ROCK2: variants seen among roughly 807,000 people sequenced by gnomAD.
The protein encoded by ROCK2 is Rho associated coiled-coil containing protein kinase 2, also known as rho-associated protein kinase 2.
Under a neutral mutation model 195.1 loss-of-function variants are expected in ROCK2, and 61 were observed. The ratio of observed to expected loss-of-function variants is 0.31; its 90% CI spans 0.25 to 0.39. ROCK2 has a LOEUF of 0.39. Among genes scored for constraint, ROCK2 ranks in the 10% least tolerant of loss-of-function variants. The pLI is 1.00. For synonymous variants in ROCK2, 504 were observed against 545.5 expected, an observed-to-expected ratio of 0.92 and a Z score of 1.06; for missense variants, 1,109 against 1,637.4, an observed-to-expected ratio of 0.68 and a Z score of 5.57.
chr2:11,201,438 T>A lies in ROCK2; in HGVS notation c.2620-25A>T, dbSNP rs1663847876. 8.5e-7 allele frequency: 1 copy of A among 1,179,770 alleles called. No homozygotes were observed. The highest frequency in any genetic ancestry group is 1.5e-5 in the African/African-American group (1 of 66,534). The allele number at this position is 1,179,770 out of a possible 1,614,324, so 73.1% of individuals were successfully genotyped here. A position where few individuals can be genotyped will look rare whatever the true frequency, so the allele number is the denominator to read the frequency against. On this transcript the variant is annotated intron_variant, in intron 21 of 32. Coordinates refer to ENST00000315872, the MANE Select transcript of ROCK2 (RefSeq NM_004850.5). The surrounding 1 kb of genome is among the most constrained non-coding windows in gnomAD (Gnocchi z 4.6). ...TCTAAATAGCAAAATACAACAGAAATGCGTATCATCATCAGAAATATTACT... is the reference window on the plus strand; with the variant it reads ...TCTAAATAGCAAAATACAACAGAAAAGCGTATCATCATCAGAAATATTACT...
At position 11,215,345 on chromosome 2, in the gene ROCK2, C is replaced by G; in HGVS notation, c.1665G>C (p.Glu555Asp). 1 of 1,605,186 alleles carries G rather than the reference C, an allele frequency of 6.2e-7. No individual in the cohort carries two copies. Among genetic ancestry groups the G allele is most frequent in the Non-Finnish European group, 8.5e-7 (1 of 1,176,320 alleles). ...CTTGTCTCTGGAGTTGATTCACTTTCTCAGTGGATATTTGAGAGTTTTGAT... is the reference window on the plus strand; with the variant it reads ...CTTGTCTCTGGAGTTGATTCACTTTGTCAGTGGATATTTGAGAGTTTTGAT... ...KRNQNSQISTEKVNQLQRQLD... is the reference protein window; with the variant it reads ...KRNQNSQISTDKVNQLQRQLD... The change falls in exon 15 of 33, where the codon GAG becomes GAC. Residue 555 changes from glutamate to aspartate, a missense_variant. This residue lies in a region of ROCK2 where 542 missense variants were observed against 672.0 expected (regional missense o/e 0.81). Coordinates refer to ENST00000315872, the MANE Select transcript of ROCK2 (RefSeq NM_004850.5).
chr2:11,285,390 T>C (rs1468296307), intron 3 of ROCK2, among the ~76,000 whole-genome samples: 5 of 152,104 alleles, frequency 3.3e-5, no homozygotes, highest in Non-Finnish European at 5.9e-5. Context: ...ACATTAGTTA[T>C]AAAGCTTGCC....
Position 11,183,329 on chromosome 2 carries a change from C to A in ROCK2, c.*108G>T. ...TATGTATGAGTGTATGTATCAGTCT[C>A]TCAGGAAAATATAGCTTTTTAATAA... On this transcript the variant is annotated 3_prime_UTR_variant, in exon 33 of 33. Coordinates refer to ENST00000315872, the MANE Select transcript of ROCK2 (RefSeq NM_004850.5). 1.2e-6 allele frequency: 1 copy of A among 843,424 alleles called. No individual in the cohort carries two copies. The highest frequency in any genetic ancestry group is 1.7e-5 in the South Asian group (1 of 60,186). The allele number at this position is 843,424 out of a possible 1,614,324, so 52.2% of individuals were successfully genotyped here. A position where few individuals can be genotyped will look rare whatever the true frequency, so the allele number is the denominator to read the frequency against.
intron 27 of ROCK2, among the ~76,000 whole-genome samples, chr2:11,196,185 C>G (rs980347582): frequency 5.3e-5 from 8 of 152,326 alleles, no homozygotes; most frequent in African/African-American, 1.9e-4. Flanking sequence ...GCCTCTGACT[C>G]TGAATGACGG....
intron 1 of ROCK2, among the ~76,000 whole-genome samples, chr2:11,328,811 G>A (rs9798189): frequency 5.3e-5 from 8 of 150,920 alleles, no homozygotes; most frequent in Non-Finnish European, 8.8e-5. Context: ...GTAAACTATC[G>A]CAAGGACAAA....
At chr2:11,217,241 T>C in intron 11 of ROCK2, 72 bp from the exon 12 acceptor site, 1 of 793,604 alleles carries the variant, frequency 1.3e-6, no homozygotes, top group South Asian at 1.4e-5. Context: ...AAGAAAACAA[T>C]GATAAGCTTA....
chr2:11,213,712 A>G (rs1664328087), intron 17 of ROCK2, among the ~76,000 whole-genome samples: 1 of 151,744 alleles, frequency 6.6e-6, no homozygotes, highest in African/African-American at 2.4e-5. Context: ...CCTTTGCCCT[A>G]CGGACCTATC....
Position 11,215,428 on chromosome 2 carries a change from T to A in ROCK2, c.1598-16A>T. 6.2e-7 allele frequency: 1 copy of A among 1,603,300 alleles called. No homozygotes were observed. Among genetic ancestry groups the A allele is most frequent in the African/African-American group, 1.3e-5 (1 of 74,440 alleles). ...AAGCTGTTAACTATGATAAAAAGCA[T>A]TTCAGTGGCAAGCTTAGCATAACAC... On this transcript the variant is annotated splice_polypyrimidine_tract_variant and intron_variant, in intron 14 of 32. Transcript: ENST00000315872.
At position 11,233,347 on chromosome 2, in the gene ROCK2, G is replaced by A. The variant is rs554227185; in HGVS notation, c.723+2355C>T. Among the ~76,000 whole-genome samples, 5 of 152,252 alleles carry A rather than the reference G, an allele frequency of 3.3e-5. No individual in the cohort carries two copies. In the South Asian group the frequency reaches 1.0e-3, roughly 32 times the overall value. On this transcript the variant is annotated intron_variant, in intron 5 of 32. Coordinates refer to ENST00000315872, the MANE Select transcript of ROCK2 (RefSeq NM_004850.5). ...ATCAACGGAACTGGTAACCCTTAGA[G>A]AACTGAATAGTAAGTGTTAGCAAGG...
At chr2:11,295,370 T>C (rs1275408707) in intron 1 of ROCK2, among the ~76,000 whole-genome samples, 1 of 152,036 alleles carries the variant, frequency 6.6e-6, no homozygotes, top group African/African-American at 2.4e-5. Flanking sequence ...TTTTAAAAAG[T>C]ATTTTCCATA....
chr2:11,292,389 T>C (rs1257246342), intron 1 of ROCK2, among the ~76,000 whole-genome samples: 1 of 152,150 alleles, frequency 6.6e-6, no homozygotes, highest in Non-Finnish European at 1.5e-5. Context: ...GTTAATACTA[T>C]TGTCATACCT....
At chr2:11,190,360 G>GT (rs10589703) in intron 32 of ROCK2, among the ~76,000 whole-genome samples, 8 of 106,824 alleles carry the variant, frequency 7.5e-5, no homozygotes, top group Middle Eastern at 4.8e-3. Context: ...AAGGCCAGAA[G>GT]TTTTTTAAAA....
At chr2:11,342,671 T>C (rs908133742) in intron 1 of ROCK2, among the ~76,000 whole-genome samples, 1 of 152,170 alleles carries the variant, frequency 6.6e-6, no homozygotes, top group Non-Finnish European at 1.5e-5. Context: ...AGCTATGCCA[T>C]CCATGCAAGC....
At chr2:11,308,535 G>C (rs1667934808) in intron 1 of ROCK2, 1 of 1,543,164 alleles carries the variant, frequency 6.5e-7, no homozygotes, top group African/African-American at 1.4e-5. Context: ...CTCACTATCA[G>C]AATTGAGAAA....
At chr2:11,191,760 T>G (rs1467046382) in intron 32 of ROCK2, among the ~76,000 whole-genome samples, 1 of 152,210 alleles carries the variant, frequency 6.6e-6, no homozygotes, top group Non-Finnish European at 1.5e-5. Flanking sequence ...AAAACCATTT[T>G]CTTCTCATCA....
At chr2:11,313,347 A>T (rs757517602) in intron 1 of ROCK2, among the ~76,000 whole-genome samples, 3 of 152,106 alleles carry the variant, frequency 2.0e-5, no homozygotes, top group African/African-American at 4.8e-5. Context: ...ACCAGCAGTG[A>T]ATAAATGGGA....
intron 32 of ROCK2, among the ~76,000 whole-genome samples, chr2:11,183,763 G>A (rs1040411029): frequency 1.3e-5 from 2 of 152,134 alleles, no homozygotes; most frequent in Non-Finnish European, 2.9e-5. Flanking sequence ...GTTTGATTTG[G>A]GGTTTAACTG....
intron 32 of ROCK2, among the ~76,000 whole-genome samples, chr2:11,188,031 A>G (rs1663261074): frequency 6.6e-6 from 1 of 152,112 alleles, no homozygotes; most frequent in Non-Finnish European, 1.5e-5. Flanking sequence ...CATGCATTAA[A>G]TACTGCGTTA....
intron 1 of ROCK2, among the ~76,000 whole-genome samples, chr2:11,319,539 T>A (rs1668336255): frequency 6.6e-6 from 1 of 152,202 alleles, no homozygotes; most frequent in Non-Finnish European, 1.5e-5. Context: ...AATCATGTCA[T>A]CTGCAGACAG....
Sources: gnomAD v4.1 joint callset for allele counts (sites outside exome capture counted in the v4.1 genomes callset) on GRCh38, gnomAD v4.1.1 for gene constraint, gnomAD v4.1.1 regional missense constraint, Gnocchi (gnomAD v3.1) non-coding constraint, MANE v1.5 for transcripts, NCBI Gene and HGNC (gene_info 2026-07-23, HGNC 2026-07-21) for gene names.